The following ADAM32 variants were observed in gnomAD, a reference collection of about 807,000 sequenced individuals.
ADAM32 encodes the protein ADAM metallopeptidase domain 32, also known as disintegrin and metalloproteinase domain-containing protein 32.
Under a neutral mutation model 114.9 loss-of-function variants are expected in ADAM32, and 89 were observed. The ratio of observed to expected loss-of-function variants is 0.77; its 90% confidence interval spans 0.65 to 0.92. ADAM32 has a LOEUF of 0.92. Ranked by LOEUF, ADAM32 falls within the 40% of genes least tolerant of loss-of-function variation. The pLI, the probability that ADAM32 is intolerant of heterozygous loss-of-function variation, is 0.00. For synonymous variants in ADAM32, 285 were observed against 307.5 expected, an observed-to-expected ratio of 0.93 and a Z score of 0.77; for missense variants, 870 against 932.8, an observed-to-expected ratio of 0.93 and a Z score of 0.88.
intron 14 of ADAM32, among the ~76,000 whole-genome samples, chr8:39,227,737 CT>C (rs1038388575): frequency 6.6e-6 from 1 of 152,152 alleles, no homozygotes; most frequent in Non-Finnish European, 1.5e-5. Context: ...GATGGTCTTC[CT>C]TACCCATTCT....
At chr8:39,175,749 AT>A (rs1805484969) in intron 10 of ADAM32, among the ~76,000 whole-genome samples, 1 of 152,296 alleles carries the variant, frequency 6.6e-6, no homozygotes, top group African/African-American at 2.4e-5. Flanking sequence ...TTCATTAAAA[AT>A]GGTACCAGCT....
intron 11 of ADAM32, among the ~76,000 whole-genome samples, chr8:39,194,478 A>G (rs1806824551): frequency 6.6e-6 from 1 of 152,134 alleles, no homozygotes; most frequent in South Asian, 2.1e-4. Context: ...CCAGCAAAGC[A>G]CTGTAGGTGG....
At chr8:39,218,405 C>T (rs1037410541) in intron 12 of ADAM32, among the ~76,000 whole-genome samples, 16 of 152,096 alleles carry the variant, frequency 1.1e-4, no homozygotes, top group Non-Finnish European at 1.6e-4. Flanking sequence ...TGGAGCTCCA[C>T]GATCAGCAGG....
At chr8:39,220,638 T>G (rs1424669831) in intron 12 of ADAM32, among the ~76,000 whole-genome samples, 2 of 152,028 alleles carry the variant, frequency 1.3e-5, no homozygotes, top group Non-Finnish European at 2.9e-5. Context: ...TTTCAAACAA[T>G]TTTTTATTTT....
At chr8:39,134,543 C>T (rs1802672207) in intron 2 of ADAM32, among the ~76,000 whole-genome samples, 1 of 152,094 alleles carries the variant, frequency 6.6e-6, no homozygotes, top group Non-Finnish European at 1.5e-5. Context: ...CTAGTTCTCT[C>T]TCCTAGATTC....
chr8:39,164,895 A>G, intron 8 of ADAM32, 60 bp downstream of exon 8: 1 of 1,536,538 alleles, frequency 6.5e-7, no homozygotes, highest in Non-Finnish European at 8.9e-7. Context: ...ATTTGCCTAA[A>G]CTTGATGCGG....
intron 15 of ADAM32, 93 bp downstream of exon 15, chr8:39,232,228 A>G: frequency 1.0e-6 from 1 of 976,378 alleles, no homozygotes; most frequent in Non-Finnish European, 1.5e-6. Context: ...CCAGTGGTTT[A>G]AAGTATTACA....
intron 1 of ADAM32, among the ~76,000 whole-genome samples, chr8:39,110,054 T>C (rs1272778266): frequency 1.3e-5 from 2 of 152,132 alleles, no homozygotes. Context: ...TTTTCATGGC[T>C]TGATAGCTTA....
chr8:39,255,949 G>T (rs911177687), intron 18 of ADAM32, among the ~76,000 whole-genome samples: 1 of 151,952 alleles, frequency 6.6e-6, no homozygotes, highest in Non-Finnish European at 1.5e-5. Flanking sequence ...CATATGGCTT[G>T]CCAGTTATCC....
At chr8:39,253,253 A>G (rs1811419577) in intron 17 of ADAM32, among the ~76,000 whole-genome samples, 1 of 151,662 alleles carries the variant, frequency 6.6e-6, no homozygotes, top group African/African-American at 2.4e-5. Flanking sequence ...ACACCCTTTC[A>G]TTATAAAAAC....
chr8:39,170,083 G>A, intron 10 of ADAM32, 86 bp downstream of exon 10: 2 of 1,020,698 alleles, frequency 2.0e-6, no homozygotes, highest in South Asian at 4.3e-5. Context: ...CAATTTATGT[G>A]CATGTTTCCA....
intron 6 of ADAM32, among the ~76,000 whole-genome samples, chr8:39,154,614 C>T (rs1216747938): frequency 6.6e-6 from 1 of 152,212 alleles, no homozygotes; most frequent in Non-Finnish European, 1.5e-5. Flanking sequence ...GGAATTGCCA[C>T]ACTGTCTTTC....
intron 19 of ADAM32, among the ~76,000 whole-genome samples, chr8:39,265,588 CA>C (rs1237736503): frequency 6.6e-6 from 1 of 152,122 alleles, no homozygotes; most frequent in Non-Finnish European, 1.5e-5. Context: ...TTTATAGTGT[CA>C]GGGGGCTATG....
intron 22 of ADAM32, among the ~76,000 whole-genome samples, chr8:39,276,651 G>A (rs1361540748): frequency 6.6e-6 from 1 of 152,156 alleles, no homozygotes; most frequent in Non-Finnish European, 1.5e-5. Flanking sequence ...TGTTCCAGAA[G>A]AAATTTACCT....
intron 6 of ADAM32, among the ~76,000 whole-genome samples, chr8:39,151,770 C>A (rs1803848547): frequency 6.7e-6 from 1 of 148,662 alleles, no homozygotes; most frequent in Non-Finnish European, 1.5e-5. Context: ...CTCAAGCAAT[C>A]CTCCCACCTC....
chr8:39,284,784 C>A lies in ADAM32; in HGVS notation c.2358-9C>A. The A allele has an allele frequency of 6.2e-7, 1 of 1,613,668 alleles. No individual in the cohort carries two copies. Among genetic ancestry groups the A allele is most frequent in the Non-Finnish European group, 8.5e-7 (1 of 1,179,734 alleles). On this transcript the variant is annotated splice_polypyrimidine_tract_variant and intron_variant, in intron 24 of 24. Transcript: ENST00000379907. Reference sequence around the variant, plus strand: ...CTTTGAGCACGTGTTTTTTTGTTCTCTTCCACAGTAACTAGTGATTCCTTC... The same window carrying A: ...CTTTGAGCACGTGTTTTTTTGTTCTATTCCACAGTAACTAGTGATTCCTTC...
chr8:39,263,575 G>T (rs767300181), intron 19 of ADAM32, among the ~76,000 whole-genome samples: 1 of 151,984 alleles, frequency 6.6e-6, no homozygotes, highest in Non-Finnish European at 1.5e-5. Context: ...TAAAAACTGG[G>T]ATATAATTTA....
rs562842223 is a variant in ADAM32, at chr8:39,186,954, C to T, written c.961C>T (p.Gln321Ter). Residue 321 changes from glutamine to a stop codon, truncating the protein, a stop_gained, in exon 11 of 25, where the codon CAG (glutamine) becomes TAG (stop). Transcript: ENST00000379907. LOFTEE classifies it high-confidence loss of function. ...GGAGGCATTTGCAGTTATTGTCACC[C>T]AGATGCTGGCACTCAGTCTGGGAAT... ...TLEAFAVIVT[Q>*]MLALSLGISY... 4.7e-5 allele frequency: 76 copies of T among 1,612,858 alleles called. No individual in the cohort carries two copies. Among genetic ancestry groups the T allele is most frequent in the Non-Finnish European group, 6.0e-5 (71 of 1,179,106 alleles).
chr8:39,198,561 G>A (rs1196862649), intron 11 of ADAM32, among the ~76,000 whole-genome samples: 2 of 151,958 alleles, frequency 1.3e-5, no homozygotes, highest in Admixed American at 6.6e-5. Context: ...TGTTGTTAGT[G>A]GAGATGGGGT....
Sources: gnomAD v4.1 joint callset for allele counts (sites outside exome capture counted in the v4.1 genomes callset) on GRCh38, gnomAD v4.1.1 for gene constraint, MANE v1.5 for transcripts, NCBI Gene and HGNC (gene_info 2026-07-23, HGNC 2026-07-21) for gene names.